The following DEPTOR variants were observed in gnomAD, a reference collection of about 807,000 sequenced individuals.
The protein encoded by DEPTOR is DEP domain-containing mTOR-interacting protein.
DEPTOR carries 41 observed loss-of-function variants against 41.6 expected under a neutral mutation model. The observed-to-expected ratio is 0.98, with a 90% CI of 0.77 to 1.28. The LOEUF (loss-of-function observed/expected upper bound fraction) is 1.28, where lower values mean the gene tolerates loss of function less well. DEPTOR is among the 50% of genes most tolerant of loss of function. The probability of loss-of-function intolerance (pLI) is 0.00; values close to 1 mark genes in which losing one functional copy is unlikely to be tolerated. For missense variants in DEPTOR, 514 were observed against 527.9 expected, an observed-to-expected ratio of 0.97 and a Z score of 0.26; for synonymous variants, 195 against 192.3, an observed-to-expected ratio of 1.01 and a Z score of -0.12.
At chr8:120,024,445 A>T (rs2130148341) in intron 8 of DEPTOR, among the ~76,000 whole-genome samples, 1 of 152,274 alleles carries the variant, frequency 6.6e-6, no homozygotes, top group Admixed American at 6.5e-5. Context: ...CGAGTACCTC[A>T]AAATCTGACT....
chr8:119,920,572 A>T (rs779411586), intron 1 of DEPTOR, among the ~76,000 whole-genome samples: 4 of 152,186 alleles, frequency 2.6e-5, no homozygotes, highest in Non-Finnish European at 5.9e-5. Flanking sequence ...ATGGAGGGTG[A>T]TTAGCATGTT....
intron 1 of DEPTOR, among the ~76,000 whole-genome samples, chr8:119,898,412 A>G (rs4871774): frequency 0.069 from 10,509 of 152,194 alleles, 642 homozygotes; most frequent in South Asian, 0.17. Flanking sequence ...GTTGATTATG[A>G]TAATTTTAAT....
At chr8:119,933,288 G>A (rs1260435980) in intron 3 of DEPTOR, among the ~76,000 whole-genome samples, 8 of 151,902 alleles carry the variant, frequency 5.3e-5, no homozygotes, top group South Asian at 2.1e-4. Flanking sequence ...GCAGGAGTTC[G>A]AGACCAGTCT....
intron 3 of DEPTOR, among the ~76,000 whole-genome samples, chr8:119,958,930 C>T (rs1229160903): frequency 6.6e-6 from 1 of 152,148 alleles, no homozygotes; most frequent in Non-Finnish European, 1.5e-5. Context: ...CTGGAAGACA[C>T]ATGAGGAACT....
intron 1 of DEPTOR, among the ~76,000 whole-genome samples, chr8:119,896,048 G>A (rs1827516219): frequency 7.1e-6 from 1 of 141,110 alleles, no homozygotes. Flanking sequence ...GGAGTAGGTT[G>A]TAAATTTTGT....
intron 8 of DEPTOR, among the ~76,000 whole-genome samples, 184 bp from the exon 9 acceptor site, chr8:120,049,391 TA>T (rs1813197584): frequency 6.7e-6 from 1 of 149,602 alleles, no homozygotes; most frequent in African/African-American, 2.5e-5. Context: ...TTTTTTTTTT[TA>T]AATTATACTG....
chr8:119,913,460 T>C (rs1286786006), intron 1 of DEPTOR, among the ~76,000 whole-genome samples: 3 of 152,314 alleles, frequency 2.0e-5, no homozygotes, highest in East Asian at 1.9e-4. Flanking sequence ...CTACAGGGTG[T>C]ATGGCATTTT....
At chr8:119,918,591 G>A (rs1014970071) in intron 1 of DEPTOR, among the ~76,000 whole-genome samples, 1 of 152,150 alleles carries the variant, frequency 6.6e-6, no homozygotes, top group Non-Finnish European at 1.5e-5. Context: ...CTCCCGAGTA[G>A]CTGGGACTAC....
At chr8:119,904,785 TTTGCACCCCGCC>T (rs1477457219) in intron 1 of DEPTOR, among the ~76,000 whole-genome samples, 2 of 151,010 alleles carry the variant, frequency 1.3e-5, no homozygotes, top group Non-Finnish European at 2.9e-5. Flanking sequence ...CATGAGCCAT[TTTGCACCCCGCC>T]TTTATTTTTA....
chr8:120,040,432 C>T (rs764482672), intron 8 of DEPTOR, among the ~76,000 whole-genome samples: 42 of 151,870 alleles, frequency 2.8e-4, no homozygotes, highest in South Asian at 6.3e-4. Context: ...AAAAATTAGC[C>T]GGGCGTGGTG....
At chr8:119,888,326 C>G (rs934348002) in intron 1 of DEPTOR, among the ~76,000 whole-genome samples, 1 of 152,084 alleles carries the variant, frequency 6.6e-6, no homozygotes, top group African/African-American at 2.4e-5. Flanking sequence ...TGATACTATA[C>G]TATTAGAATT....
chr8:119,900,380 CTTTTTT>C (rs377443807), intron 1 of DEPTOR, among the ~76,000 whole-genome samples: 6 of 43,910 alleles, frequency 1.4e-4, no homozygotes, highest in Admixed American at 4.6e-4. Flanking sequence ...CACCCCTCAC[CTTTTTT>C]TTTTTTTTTT....
intron 1 of DEPTOR, among the ~76,000 whole-genome samples, chr8:119,909,339 T>G (rs1586609966): frequency 6.6e-6 from 1 of 152,218 alleles, no homozygotes; most frequent in African/African-American, 2.4e-5. Context: ...TTTAGTTACC[T>G]AGCTATCTTT....
chr8:120,017,101 T>A (rs1812624646), intron 8 of DEPTOR, among the ~76,000 whole-genome samples: 1 of 152,214 alleles, frequency 6.6e-6, no homozygotes, highest in Non-Finnish European at 1.5e-5. Flanking sequence ...GCACAATTCT[T>A]GGCTTTTAGT....
chr8:119,900,809 T>C (rs1444714272), intron 1 of DEPTOR, among the ~76,000 whole-genome samples: 1 of 152,184 alleles, frequency 6.6e-6, no homozygotes, highest in Non-Finnish European at 1.5e-5. Context: ...ATCTTATCCC[T>C]CACATTTGTA....
intron 1 of DEPTOR, among the ~76,000 whole-genome samples, chr8:119,925,976 G>C (rs1827958962): frequency 6.6e-6 from 1 of 152,170 alleles, no homozygotes; most frequent in Non-Finnish European, 1.5e-5. Context: ...CTCCCTTTTA[G>C]AAGAGAGAAC....
intron 3 of DEPTOR, among the ~76,000 whole-genome samples, chr8:119,952,573 G>A (rs142422576): frequency 2.0e-5 from 3 of 152,262 alleles, no homozygotes; most frequent in East Asian, 1.9e-4. Flanking sequence ...TGCATGCACC[G>A]TGCCCTCCCA....
intron 1 of DEPTOR, among the ~76,000 whole-genome samples, chr8:119,902,766 A>G (rs1398268523): frequency 6.6e-6 from 1 of 152,206 alleles, no homozygotes; most frequent in African/African-American, 2.4e-5. Context: ...CTTAAGATGC[A>G]GATTTCTTAA....
At chr8:119,912,144 G>A (rs1386473998) in intron 1 of DEPTOR, among the ~76,000 whole-genome samples, 1 of 152,140 alleles carries the variant, frequency 6.6e-6, no homozygotes, top group Non-Finnish European at 1.5e-5. Flanking sequence ...TGAATTTGGT[G>A]GATAAATAGG....
Sources: gnomAD v4.1 joint callset for allele counts (sites outside exome capture counted in the v4.1 genomes callset) on GRCh38, gnomAD v4.1.1 for gene constraint, MANE v1.5 for transcripts, NCBI Gene and HGNC (gene_info 2026-07-23, HGNC 2026-07-21) for gene names.